Variants in NIBAN1 observed in about 807,000 individuals in gnomAD.
The protein encoded by NIBAN1 is niban apoptosis regulator 1, also known as protein Niban 1.
A neutral mutation model predicts 75.1 loss-of-function variants in NIBAN1; 81 were observed. The observed-to-expected ratio is 1.08, with a 90% CI of 0.90 to 1.30. The LOEUF (loss-of-function observed/expected upper bound fraction) is 1.30, where lower values mean the gene tolerates loss of function less well. Ranked by LOEUF, NIBAN1 falls within the 50% of genes most tolerant of loss-of-function variation. The pLI is 0.00. For synonymous variants in NIBAN1, 436 were observed against 424.8 expected (o/e 1.03, Z -0.32); for missense variants, 1,133 against 1,128.1 (o/e 1.00, Z -0.06).
intron 3 of NIBAN1, among the ~76,000 whole-genome samples, chr1:184,890,463 G>GAGATTT (rs1656638318): frequency 6.6e-6 from 1 of 152,158 alleles, no homozygotes; most frequent in Middle Eastern, 3.2e-3. Context: ...TAATCTCAGG[G>GAGATTT]AGATTTACCC....
At chr1:184,879,193 G>T (rs1297128528) in intron 5 of NIBAN1, among the ~76,000 whole-genome samples, 2 of 152,010 alleles carry the variant, frequency 1.3e-5, no homozygotes, top group African/African-American at 2.4e-5. Context: ...TGCATAGAGG[G>T]TTTTATGTAT....
chr1:184,930,559 G>A (rs540651707), intron 1 of NIBAN1, among the ~76,000 whole-genome samples: 2 of 152,326 alleles, frequency 1.3e-5, no homozygotes, highest in Non-Finnish European at 2.9e-5. Context: ...ATGCTTTCCT[G>A]TATATATGAG....
rs1654582652 is a variant in NIBAN1, at chr1:184,817,883, T to TCAAC, written c.1173+751_1173+754dup. On this transcript the variant is annotated intron_variant, in intron 9 of 13. Coordinates refer to ENST00000367511, the MANE Select transcript of NIBAN1 (RefSeq NM_052966.4). ...TTTGGCCAATCCCAGCGGCCATACT[T>TCAAC]CAACCACTCATAGACTGCTGAATGT... Among the ~76,000 whole-genome samples, 3 of 152,366 alleles carry TCAAC rather than the reference T, an allele frequency of 2.0e-5. No homozygotes were observed. The South Asian group carries it at 6.2e-4, about 32-fold the overall frequency.
intron 1 of NIBAN1, among the ~76,000 whole-genome samples, chr1:184,958,998 G>A (rs1055629787): frequency 3.9e-5 from 6 of 152,264 alleles, no homozygotes; most frequent in South Asian, 4.1e-4. Context: ...TTAAACAAAC[G>A]CATTCAATCC....
chr1:184,866,855 C>T (rs933342892), intron 5 of NIBAN1, among the ~76,000 whole-genome samples: 1 of 152,174 alleles, frequency 6.6e-6, no homozygotes, highest in African/African-American at 2.4e-5. Context: ...ATATTTAGAA[C>T]TTCACCTAGC....
intron 13 of NIBAN1, among the ~76,000 whole-genome samples, chr1:184,796,576 G>C (rs1322730694): frequency 6.6e-6 from 1 of 152,188 alleles, no homozygotes; most frequent in Admixed American, 6.5e-5. Context: ...ACATGCAGAG[G>C]AGAGGGCCAA....
intron 1 of NIBAN1, among the ~76,000 whole-genome samples, chr1:184,933,534 T>G (rs150355436): frequency 2.4e-3 from 368 of 152,278 alleles, no homozygotes; most frequent in African/African-American, 8.6e-3. Context: ...TATCATTTAC[T>G]CCACACCACA....
chr1:184,955,870 T>C (rs1321932903), intron 1 of NIBAN1, among the ~76,000 whole-genome samples: 1 of 152,128 alleles, frequency 6.6e-6, no homozygotes, highest in Non-Finnish European at 1.5e-5. Flanking sequence ...AAATAATGTA[T>C]GCCACCTCCA....
At chr1:184,812,381 A>C (rs938389477) in intron 9 of NIBAN1, among the ~76,000 whole-genome samples, 7 of 152,212 alleles carry the variant, frequency 4.6e-5, no homozygotes, top group African/African-American at 1.7e-4. Context: ...TTCCTTTATG[A>C]CGTGGCTTGG....
intron 1 of NIBAN1, among the ~76,000 whole-genome samples, chr1:184,965,350 G>A (rs139489504): frequency 6.6e-6 from 1 of 152,062 alleles, no homozygotes; most frequent in African/African-American, 2.4e-5. Context: ...TTCACAAAAG[G>A]ATTGATTCTT....
At chr1:184,885,926 A>G (rs1025646567) in intron 4 of NIBAN1, among the ~76,000 whole-genome samples, 1 of 151,144 alleles carries the variant, frequency 6.6e-6, no homozygotes, top group African/African-American at 2.4e-5. Context: ...TATCACCTTT[A>G]TTGGTTCCTC....
At chr1:184,872,638 T>C (rs1202280478) in intron 5 of NIBAN1, among the ~76,000 whole-genome samples, 1 of 150,682 alleles carries the variant, frequency 6.6e-6, no homozygotes, top group African/African-American at 2.4e-5. Context: ...ACCCAGGAGG[T>C]GGAGGTTGCA....
At chr1:184,851,692 C>A in intron 5 of NIBAN1, among the ~76,000 whole-genome samples, 1 of 151,540 alleles carries the variant, frequency 6.6e-6, no homozygotes, top group Admixed American at 6.6e-5. Flanking sequence ...ACATATATAT[C>A]CTGATTAAGT....
At position 184,899,169 on chromosome 1, in the gene NIBAN1, C is replaced by T; in HGVS notation, c.186+10G>A. The stretch of plus-strand genomic sequence containing the variant: ...GGGAAATACATGTAAACCAAATATC[C>T]ATGGCTTACCTTGGTCTTCAAAAAC... On this transcript the variant is annotated intron_variant, in intron 2 of 13. Coordinates refer to ENST00000367511, the MANE Select transcript of NIBAN1 (RefSeq NM_052966.4). 1 of 1,613,474 alleles carries T rather than the reference C, an allele frequency of 6.2e-7. No individual in the cohort carries two copies. Among genetic ancestry groups the T allele is most frequent in the Non-Finnish European group, 8.5e-7 (1 of 1,179,596 alleles).
intron 10 of NIBAN1, among the ~76,000 whole-genome samples, chr1:184,807,554 G>A (rs763888200): frequency 9.9e-5 from 15 of 152,260 alleles, no homozygotes; most frequent in Middle Eastern, 3.4e-3. Context: ...TTGGGAGGCC[G>A]AGGTGGGCAG....
At chr1:184,853,335 C>T (rs1376765806) in intron 5 of NIBAN1, among the ~76,000 whole-genome samples, 4 of 152,156 alleles carry the variant, frequency 2.6e-5, no homozygotes, top group African/African-American at 4.8e-5. Context: ...AAATCATACC[C>T]TTTGTATAAA....
intron 5 of NIBAN1, among the ~76,000 whole-genome samples, chr1:184,876,168 C>T (rs1656228454): frequency 6.8e-6 from 1 of 146,248 alleles, no homozygotes; most frequent in Non-Finnish European, 1.5e-5. Flanking sequence ...AGTGAAACTT[C>T]GTCTCCAGAA....
intron 8 of NIBAN1, among the ~76,000 whole-genome samples, chr1:184,822,290 G>A (rs1200365402): frequency 6.6e-6 from 1 of 152,178 alleles, no homozygotes; most frequent in Non-Finnish European, 1.5e-5. Context: ...ATTTCATTCT[G>A]TAGGATTCCT....
intron 5 of NIBAN1, among the ~76,000 whole-genome samples, chr1:184,843,377 C>A (rs1211237875): frequency 2.0e-5 from 3 of 151,968 alleles, no homozygotes; most frequent in Non-Finnish European, 2.9e-5. Context: ...CAAAGCCTTA[C>A]AGATATGAAA....
Sources: allele counts gnomAD v4.1 joint callset (sites outside exome capture counted in the v4.1 genomes callset), GRCh38; gene constraint gnomAD v4.1.1; transcripts MANE v1.5; gene names NCBI Gene and HGNC (gene_info 2026-07-23, HGNC 2026-07-21).